SNAPC4: variants seen among roughly 807,000 people sequenced by gnomAD.
SNAPC4 encodes snRNA-activating protein complex subunit 4.
SNAPC4 carries 127 observed loss-of-function variants against 151.3 expected under a neutral mutation model. The ratio of observed to expected loss-of-function variants is 0.84; its 90% confidence interval spans 0.73 to 0.97. The LOEUF (loss-of-function observed/expected upper bound fraction) is 0.97, where lower values mean the gene tolerates loss of function less well. Ranked by LOEUF, SNAPC4 falls within the 50% of genes least tolerant of loss-of-function variation. SNAPC4 has a pLI of 0.00. For synonymous variants in SNAPC4, 1,002 were observed against 824.4 expected (o/e 1.22, Z -3.69); for missense variants, 2,186 against 1,935.0 (o/e 1.13, Z -2.43).
rs752050888 is a variant in SNAPC4, at chr9:136,377,730, G to A, written c.4097C>T (p.Ala1366Val). 16 of 1,609,220 alleles carry A rather than the reference G, an allele frequency of 9.9e-6. 2 individuals carry two copies. The highest frequency in any genetic ancestry group is 8.8e-5 in the South Asian group (8 of 90,902). ...GAGGGTGAAGGCTGCCAGGAACCGC[G>A]CCCGCAACAGGAGGTAGGCCGGGTT... ...QDNPAYLLLR[A>V]RFLAAFTLPA... The change falls in exon 22 of 24, where the codon GCG becomes GTG. Residue 1366 changes from alanine to valine, a missense_variant. Transcript: ENST00000684778.
In SNAPC4 at chr9:136,381,867, G is replaced by C; in HGVS notation, c.2274C>G (p.Pro758=). The stretch of plus-strand genomic sequence containing the variant: ...CGGGTCTCTGGGAAGCCTGTGTGCA[G>C]GGCACGACAACGTCCCCTACCCAAG... ...VTPWVGDVVV[P]CTQASQRPAV... is the part of the protein sequence containing the mutation. The change falls in exon 18 of 24, where the codon CCC becomes CCG. Residue 758 remains proline (P), a synonymous_variant. Transcript: ENST00000684778. 6.2e-7 allele frequency: 1 copy of C among 1,612,762 alleles called. No individual in the cohort carries two copies. The highest frequency in any genetic ancestry group is 1.3e-5 in the African/African-American group (1 of 75,060).
chr9:136,380,467 A>T (rs1833647537), intron 20 of SNAPC4, among the ~76,000 whole-genome samples: 1 of 152,216 alleles, frequency 6.6e-6, no homozygotes. Flanking sequence ...GGCAAGAACC[A>T]GGCATCCCCG....
chr9:136,396,591 T>C (rs1232071484), intron 3 of SNAPC4, among the ~76,000 whole-genome samples: 1 of 152,166 alleles, frequency 6.6e-6, no homozygotes, highest in African/African-American at 2.4e-5. Context: ...AATTTCTGTA[T>C]AGCTGCTCGT....
chr9:136,378,559 C>T lies in SNAPC4; in HGVS notation c.3268G>A (p.Val1090Ile), dbSNP rs747460856. Residue 1090 changes from valine to isoleucine, a missense_variant, in exon 22 of 24, where the codon GTA becomes ATA. Transcript: ENST00000684778. The part of the protein sequence containing the change: ...LTAQGLLPVP[V>I]PAVVSLPRPA... ...CTGGGAAGGCTCACCACAGCTGGTACAGGAACAGGGAGAAGCCCCTGGGCT... is the reference window on the plus strand; with the variant it reads ...CTGGGAAGGCTCACCACAGCTGGTATAGGAACAGGGAGAAGCCCCTGGGCT... 23 of 1,592,614 alleles carry T rather than the reference C, an allele frequency of 1.4e-5. 1 individual carries two copies. In the South Asian group the frequency reaches 2.1e-4, roughly 15 times the overall value.
At chr9:136,395,928 G>A (rs1404774978) in intron 3 of SNAPC4, among the ~76,000 whole-genome samples, 158 bp from the exon 4 acceptor site, 1 of 152,240 alleles carries the variant, frequency 6.6e-6, no homozygotes, top group Non-Finnish European at 1.5e-5. Context: ...GTGGGCAGCG[G>A]GAGGGCGTCT....
rs916806495 is a variant in SNAPC4, at chr9:136,392,885, G to A, written c.633-108C>T. Reference sequence around the variant, plus strand: ...AGTGTGAGCTCAGCAGAGATTCCGAGCCTCCCTCACCCTCCCTGCCTCGGC... The same window carrying A: ...AGTGTGAGCTCAGCAGAGATTCCGAACCTCCCTCACCCTCCCTGCCTCGGC... On this transcript the variant is annotated intron_variant, in intron 7 of 23. Transcript: ENST00000684778. 9.9e-6 allele frequency: 9 copies of A among 908,900 alleles called. No individual in the cohort carries two copies. In the African/African-American group the frequency reaches 1.3e-4, roughly 13 times the overall value. The allele number at this position is 908,900 out of a possible 1,614,324, so 56.3% of individuals were successfully genotyped here.
intron 2 of SNAPC4, among the ~76,000 whole-genome samples, chr9:136,397,309 G>A (rs539056757): frequency 1.3e-5 from 2 of 152,212 alleles, no homozygotes; most frequent in South Asian, 2.1e-4. Flanking sequence ...CTTTACTGGA[G>A]AGACAGGGAA....
chr9:136,379,653 G>C (rs1288016192), intron 21 of SNAPC4, among the ~76,000 whole-genome samples, 184 bp downstream of exon 21: 1 of 152,212 alleles, frequency 6.6e-6, no homozygotes, highest in East Asian at 1.9e-4. Flanking sequence ...GGGGAGCCCA[G>C]GGAGCTCCAA....
Position 136,398,298 on chromosome 9 carries a change from C to T in SNAPC4, c.130+1G>A. On this transcript the variant is annotated splice_donor_variant, in intron 2 of 23. Coordinates refer to ENST00000684778, the MANE Select transcript of SNAPC4 (RefSeq NM_003086.4). LOFTEE classifies it high-confidence loss of function. Reference sequence around the variant, plus strand: ...CAGGAGGCTAGGTACAAGGGGCTTACCTGCTTCAGAATCTGACTCGAGACT... The same window carrying T: ...CAGGAGGCTAGGTACAAGGGGCTTATCTGCTTCAGAATCTGACTCGAGACT... The T allele has an allele frequency of 1.9e-6, 3 of 1,612,688 alleles. No individual in the cohort carries two copies. The highest frequency in any genetic ancestry group is 2.5e-6 in the Non-Finnish European group (3 of 1,178,998).
At chr9:136,381,222 A>C in intron 19 of SNAPC4, 100 bp downstream of exon 19, 1 of 940,064 alleles carries the variant, frequency 1.1e-6, no homozygotes, top group Non-Finnish European at 1.7e-6. Context: ...AAAACTTTAG[A>C]TAGCTAGACT....
chr9:136,382,106 G>T, intron 17 of SNAPC4, 33 bp from the exon 18 acceptor site: 1 of 1,560,604 alleles, frequency 6.4e-7, no homozygotes. Context: ...GGGGCCCATG[G>T]CCAGGCTCGG....
intron 1 of SNAPC4, chr9:136,398,663 C>A: frequency 2.1e-6 from 1 of 485,604 alleles, no homozygotes; most frequent in East Asian, 3.5e-5. Flanking sequence ...GCCTAAGCCC[C>A]AAGAACATCT....
In SNAPC4 at chr9:136,379,111, G is replaced by A. The variant is rs769290071; in HGVS notation, c.2716C>T (p.Arg906Cys). Reference sequence around the variant, plus strand: ...GGGCCCCGGGTGGCCTCCCTGGCACGGGCCTCCTGAAGCCGCTTCTCCTGA... The same window carrying A: ...GGGCCCCGGGTGGCCTCCCTGGCACAGGCCTCCTGAAGCCGCTTCTCCTGA... ...LLQEKRLQEA[R>C]AREATRGPVV... Residue 906 changes from arginine to cysteine, a missense_variant, in exon 22 of 24, where the codon CGT (arginine) becomes TGT (cysteine). Transcript: ENST00000684778. 19 of 1,561,676 alleles carry A rather than the reference G, an allele frequency of 1.2e-5. No individual in the cohort carries two copies. The highest frequency in any genetic ancestry group is 1.7e-4 in the Middle Eastern group (1 of 5,936).
At chr9:136,384,197 C>G (rs1203289633) in intron 14 of SNAPC4, among the ~76,000 whole-genome samples, 165 bp from the exon 15 acceptor site, 2 of 152,170 alleles carry the variant, frequency 1.3e-5, no homozygotes, top group African/African-American at 4.8e-5. Context: ...TTGGCAGCAT[C>G]TGATTCTCAT....
chr9:136,383,506 C>A lies in SNAPC4; in HGVS notation c.1663G>T (p.Gly555Cys), dbSNP rs1478155178. The A allele has an allele frequency of 6.3e-7, 1 of 1,578,712 alleles. No homozygotes were observed. The highest frequency in any genetic ancestry group is 8.6e-7 in the Non-Finnish European group (1 of 1,162,818). ...DEPEQAQAGE[G>C]DRALLSPQYM... ...TGTGGGGACAGCAGCGCTCTGTCAC[C>A]CTCCCCGGCCTGCGCCTGCTCTGGC... Residue 555 changes from glycine to cysteine, a missense_variant, in exon 16 of 24, where the codon GGT becomes TGT. By Grantham distance (159) the Gly-to-Cys change is radical. Transcript: ENST00000684778. The surrounding 1 kb of genome is among the most constrained non-coding windows in gnomAD (Gnocchi z 4.2).
intron 3 of SNAPC4, among the ~76,000 whole-genome samples, chr9:136,396,488 C>T (rs1239426878): frequency 1.3e-5 from 2 of 152,222 alleles, no homozygotes; most frequent in African/African-American, 2.4e-5. Context: ...GCAATCACAG[C>T]TCACTGGAGC....
chr9:136,378,664 C>A lies in SNAPC4; in HGVS notation c.3163G>T (p.Val1055Phe). 1 of 1,287,484 alleles carries A rather than the reference C, an allele frequency of 7.8e-7. No individual in the cohort carries two copies. Among genetic ancestry groups the A allele is most frequent in the Admixed American group, 2.6e-5 (1 of 37,964 alleles). The allele number at this position is 1,287,484 out of a possible 1,614,324, so 79.8% of individuals were successfully genotyped here. ...ATGTGCGTCAGGCTGAGGGGCTGGA[C>A]GGGCAGTGGGGTGGGGCTGGGGGCT... Reference protein sequence around the residue: ...PAAPSPTPLPVQPLSLTHIGG... With the variant: ...PAAPSPTPLPFQPLSLTHIGG... The change falls in exon 22 of 24, where the codon GTC becomes TTC. Residue 1055 changes from valine (V) to phenylalanine (F), a missense_variant. Physicochemically the swap from Val to Phe is conservative, Grantham distance 50. Transcript: ENST00000684778.
In SNAPC4 at chr9:136,396,976, C is replaced by T. The variant is rs62579187; in HGVS notation, c.177+1G>A. The T allele has an allele frequency of 6.2e-7, 1 of 1,612,864 alleles. No individual in the cohort carries two copies. The highest frequency in any genetic ancestry group is 2.2e-5 in the East Asian group (1 of 44,884). The stretch of plus-strand genomic sequence containing the variant: ...CACAGCCAGATCAGGCCAACAGTTA[C>T]CGAGATCGGGGGATCGGCAGGATCC... On this transcript the variant is annotated splice_donor_variant, in intron 3 of 23. Coordinates refer to ENST00000684778, the MANE Select transcript of SNAPC4 (RefSeq NM_003086.4). LOFTEE classifies it high-confidence loss of function.
chr9:136,382,152 C>T, intron 17 of SNAPC4, 79 bp from the exon 18 acceptor site: 1 of 1,572,598 alleles, frequency 6.4e-7, no homozygotes. Context: ...GCCAGTGCTG[C>T]CCTCCACCCC....
Sources: allele counts gnomAD v4.1 joint callset (sites outside exome capture counted in the v4.1 genomes callset), GRCh38; gene constraint gnomAD v4.1.1; non-coding constraint Gnocchi (gnomAD v3.1); transcripts MANE v1.5; gene names NCBI Gene and HGNC (gene_info 2026-07-23, HGNC 2026-07-21).